Variants in QKI observed in about 807,000 individuals in gnomAD.
The protein encoded by QKI is QKI, KH domain containing RNA binding.
Under a neutral mutation model 39.0 loss-of-function variants are expected in QKI, and 10 were observed. That is an observed-to-expected ratio of 0.26 (90% CI 0.16 to 0.43). The LOEUF is 0.43. Ranked by LOEUF, QKI falls within the 20% of genes least tolerant of loss-of-function variation. QKI has a pLI of 1.00. For missense variants in QKI, 218 were observed against 428.0 expected (o/e 0.51, Z 4.33); for synonymous variants, 204 against 155.4 (o/e 1.31, Z -2.33).
At chr6:163,427,287 G>T (rs1230985284) in intron 1 of QKI, among the ~76,000 whole-genome samples, 1 of 80,710 alleles carries the variant, frequency 1.2e-5, no homozygotes, top group Non-Finnish European at 2.3e-5. Context: ...CTAAACTAAT[G>T]TTGTTCTTGA....
At chr6:163,477,449 T>A (rs1792711372) in intron 2 of QKI, among the ~76,000 whole-genome samples, 1 of 152,186 alleles carries the variant, frequency 6.6e-6, no homozygotes, top group South Asian at 2.1e-4. Context: ...GTAGGAAGGT[T>A]AAGTTGATGA....
intron 1 of QKI, among the ~76,000 whole-genome samples, chr6:163,426,443 A>C (rs569400313): frequency 6.6e-6 from 1 of 152,304 alleles, no homozygotes; most frequent in African/African-American, 2.4e-5. Context: ...CCATCAGATA[A>C]GGAAAGATTG....
At chr6:163,559,677 A>T (rs1373660660) in intron 4 of QKI, among the ~76,000 whole-genome samples, 1 of 152,128 alleles carries the variant, frequency 6.6e-6, no homozygotes, top group African/African-American at 2.4e-5. Flanking sequence ...TTTATGTTTC[A>T]CTCATATTTT....
chr6:163,442,540 T>G (rs1247191330), intron 1 of QKI, among the ~76,000 whole-genome samples: 3 of 152,114 alleles, frequency 2.0e-5, no homozygotes, highest in Non-Finnish European at 4.4e-5. Flanking sequence ...AGGTTAAGAT[T>G]AGGTAGGAAA....
At chr6:163,558,574 A>G (rs1782796165) in intron 4 of QKI, among the ~76,000 whole-genome samples, 1 of 151,844 alleles carries the variant, frequency 6.6e-6, no homozygotes, top group Non-Finnish European at 1.5e-5. Flanking sequence ...TAATTTTTGT[A>G]TTTTTAGTAG....
rs201824669 is a variant in QKI, at chr6:163,425,899, A to G, written c.142+10564A>G. On this transcript the variant is annotated intron_variant, in intron 1 of 7. Coordinates refer to ENST00000361752, the MANE Select transcript of QKI (RefSeq NM_006775.3). ...TTGCCTTGAAGAAAATTTTGTCCCA[A>G]TTTCAGAGATCCTTTAAATATGTTT... 1.4e-4 allele frequency among the ~76,000 whole-genome samples: 22 copies of G among 152,330 alleles called. No homozygotes were observed. In the East Asian group the frequency reaches 4.0e-3, roughly 28 times the overall value.
At chr6:163,456,647 T>C (rs1409389091) in intron 2 of QKI, among the ~76,000 whole-genome samples, 1 of 142,992 alleles carries the variant, frequency 7.0e-6, no homozygotes, top group Non-Finnish European at 1.5e-5. Flanking sequence ...GATCTGATAC[T>C]TTTTTTTAAA....
intron 4 of QKI, among the ~76,000 whole-genome samples, chr6:163,556,577 A>G (rs1782637875): frequency 6.6e-6 from 1 of 151,710 alleles, no homozygotes; most frequent in Non-Finnish European, 1.5e-5. Context: ...CTTAATATGC[A>G]TAAATTAAAA....
intron 1 of QKI, among the ~76,000 whole-genome samples, chr6:163,446,808 G>A (rs907593358): frequency 2.0e-5 from 3 of 152,202 alleles, no homozygotes; most frequent in African/African-American, 7.2e-5. Context: ...CAAGTCCCCC[G>A]CTCTGTTCTG....
chr6:163,562,029 G>C lies in QKI; in HGVS notation c.594G>C (p.Ala198=). The change falls in exon 5 of 8, where the codon GCG becomes GCC. Residue 198 remains alanine, a synonymous_variant. Coordinates refer to ENST00000361752, the MANE Select transcript of QKI (RefSeq NM_006775.3). ...SLKKMQLMEL[A]ILNGTYRDAN... is the part of the protein sequence containing the mutation. ...AGAAGATGCAGCTGATGGAGCTTGC[G>C]ATTCTGAATGGCACCTACAGAGATG... 6.2e-7 allele frequency: 1 copy of C among 1,613,590 alleles called. No homozygotes were observed. The highest frequency in any genetic ancestry group is 8.5e-7 in the Non-Finnish European group (1 of 1,179,818).
At chr6:163,519,949 T>G (rs75375873) in intron 3 of QKI, among the ~76,000 whole-genome samples, 4,231 of 152,262 alleles carry the variant, frequency 0.028, 189 homozygotes, top group African/African-American at 0.096. Context: ...AGAGTAGAGT[T>G]ACTTTTTGTC....
intron 3 of QKI, among the ~76,000 whole-genome samples, chr6:163,510,217 AAATAATAATAATAATAATAATAATAAT>A (rs142297811): frequency 8.1e-5 from 11 of 136,260 alleles, no homozygotes; most frequent in African/African-American, 3.0e-4. Flanking sequence ...CTCTATCTCA[AAATAATAATAATAATAATAATAATAAT>A]AATAATAATA....
intron 4 of QKI, among the ~76,000 whole-genome samples, chr6:163,556,469 C>G (rs1033416814): frequency 4.5e-5 from 6 of 134,100 alleles, no homozygotes; most frequent in Admixed American, 8.6e-5. Flanking sequence ...CACCATTGCA[C>G]TCCAGCCTGG....
intron 3 of QKI, among the ~76,000 whole-genome samples, chr6:163,518,630 TA>T (rs888139617): frequency 6.6e-6 from 1 of 152,170 alleles, no homozygotes; most frequent in African/African-American, 2.4e-5. Flanking sequence ...CTGTTGATAT[TA>T]AAAAATATTA....
At chr6:163,456,630 A>G (rs571680955) in intron 2 of QKI, among the ~76,000 whole-genome samples, 3 of 152,010 alleles carry the variant, frequency 2.0e-5, no homozygotes, top group South Asian at 2.1e-4. Context: ...TACAATTTGC[A>G]AAAATTGATC....
intron 2 of QKI, among the ~76,000 whole-genome samples, chr6:163,467,760 A>T (rs982057479): frequency 1.6e-4 from 24 of 152,212 alleles, no homozygotes; most frequent in African/African-American, 5.1e-4. Context: ...CCCTCAAAAC[A>T]CAAGACATTT....
At chr6:163,496,021 T>A (rs2128230044) in intron 3 of QKI, among the ~76,000 whole-genome samples, 1 of 152,346 alleles carries the variant, frequency 6.6e-6, no homozygotes, top group South Asian at 2.1e-4. Context: ...GATTGTAATG[T>A]CTTTTGTCCA....
At chr6:163,453,706 TGTA>T (rs1280415091) in intron 1 of QKI, among the ~76,000 whole-genome samples, 1 of 152,172 alleles carries the variant, frequency 6.6e-6, no homozygotes, top group African/African-American at 2.4e-5. Flanking sequence ...GCCCTTATCA[TGTA>T]GTCAAATCCA....
intron 4 of QKI, among the ~76,000 whole-genome samples, chr6:163,553,064 T>A (rs1421272333): frequency 1.1e-3 from 2 of 1,846 alleles, no homozygotes; most frequent in African/African-American, 6.8e-3. Flanking sequence ...TTTTTAATTT[T>A]TATTTATTTA....
Sources: allele counts gnomAD v4.1 joint callset (sites outside exome capture counted in the v4.1 genomes callset), GRCh38; gene constraint gnomAD v4.1.1; transcripts MANE v1.5; gene names NCBI Gene and HGNC (gene_info 2026-07-23, HGNC 2026-07-21).